TENM1: variants seen among roughly 807,000 people sequenced by gnomAD.
TENM1 encodes teneurin transmembrane protein 1.
TENM1 carries 35 observed loss-of-function variants against 174.8 expected under a neutral mutation model. The observed-to-expected ratio is 0.20, with a 90% CI of 0.15 to 0.27. The LOEUF (loss-of-function observed/expected upper bound fraction) is 0.27, where lower values mean the gene tolerates loss of function less well. Ranked by LOEUF, TENM1 falls within the 10% of genes least tolerant of loss-of-function variation. The pLI is 1.00. For missense variants in TENM1, 1,633 were observed against 2,130.1 expected, an observed-to-expected ratio of 0.77 and a Z score of 4.59; for synonymous variants, 781 against 798.7, an observed-to-expected ratio of 0.98 and a Z score of 0.37.
At chrX:124,388,097 T>C (rs2060242793) in intron 28 of TENM1, among the ~76,000 whole-genome samples, 1 of 112,019 alleles carries the variant, frequency 8.9e-6, no homozygotes, top group African/African-American at 3.2e-5. Flanking sequence ...AAAGTCACAT[T>C]TCTCAGTTCC....
At chrX:124,544,151 T>C (rs1314087880) in intron 15 of TENM1, among the ~76,000 whole-genome samples, 1 of 112,846 alleles carries the variant, frequency 8.9e-6, no homozygotes, top group Non-Finnish European at 1.9e-5. Context: ...TTTGTTCACC[T>C]GATTATGGCA....
At chrX:124,642,904 T>C (rs1255704118) in intron 10 of TENM1, among the ~76,000 whole-genome samples, 1 of 112,413 alleles carries the variant, frequency 8.9e-6, no homozygotes, top group South Asian at 3.7e-4. Context: ...TCTCCAGCAA[T>C]GCAAATAGAC....
At chrX:124,517,375 C>T (rs753198112) in intron 18 of TENM1, among the ~76,000 whole-genome samples, 10 of 109,608 alleles carry the variant, frequency 9.1e-5, no homozygotes, top group East Asian at 8.7e-4. Flanking sequence ...ATGTTTATCG[C>T]GGCACTATTC....
At chrX:124,815,844 A>T (rs952794656) in intron 3 of TENM1, among the ~76,000 whole-genome samples, 1 of 111,674 alleles carries the variant, frequency 9.0e-6, no homozygotes, top group African/African-American at 3.2e-5. Flanking sequence ...GAATAGAAAG[A>T]CTTCTATGCA....
chrX:124,536,043 C>A (rs1406225353), intron 15 of TENM1, among the ~76,000 whole-genome samples: 1 of 111,481 alleles, frequency 9.0e-6, no homozygotes, highest in Non-Finnish European at 1.9e-5. Flanking sequence ...TCTTCAAATG[C>A]TTAATTTATG....
At chrX:124,726,276 T>C (rs1296601969) in intron 4 of TENM1, among the ~76,000 whole-genome samples, 2 of 112,485 alleles carry the variant, frequency 1.8e-5, no homozygotes, top group Non-Finnish European at 3.8e-5. Context: ...AAACTGAGAA[T>C]AGTCAGTTGA....
chrX:124,610,946 G>A (rs1221422414), intron 11 of TENM1, among the ~76,000 whole-genome samples: 1 of 111,308 alleles, frequency 9.0e-6, no homozygotes, highest in Non-Finnish European at 1.9e-5. Flanking sequence ...GGGTTACTCA[G>A]TAGCAGTGCT....
At chrX:125,193,015 G>A in the TENM1 span, among the ~76,000 whole-genome samples, 1 of 108,952 alleles carries the variant, frequency 9.2e-6, no homozygotes, top group Non-Finnish European at 1.9e-5. Flanking sequence ...TTCCTCTCTT[G>A]TGAATTATTT....
At chrX:124,960,620 C>G (rs1254832301) in intron 1 of TENM1, among the ~76,000 whole-genome samples, 1 of 111,800 alleles carries the variant, frequency 8.9e-6, no homozygotes, top group African/African-American at 3.3e-5. Flanking sequence ...ACTGCACAGA[C>G]AAAATCTGAG....
intron 11 of TENM1, among the ~76,000 whole-genome samples, chrX:124,574,845 T>C (rs192246364): frequency 1.4e-4 from 16 of 111,993 alleles, no homozygotes; most frequent in Non-Finnish European, 2.8e-4. Flanking sequence ...CAAGCAATGA[T>C]TCAACTAATA....
At chrX:124,636,080 C>G (rs186400730) in intron 11 of TENM1, among the ~76,000 whole-genome samples, 40 of 112,001 alleles carry the variant, frequency 3.6e-4, no homozygotes, top group African/African-American at 1.2e-3. Context: ...CCCCTGGTAT[C>G]AGAGCAGCAC....
rs761441453 is a variant in TENM1, at chrX:124,722,839, C to CAAAAAAA, written c.776+14111_776+14117dup. Among the ~76,000 whole-genome samples the CAAAAAAA allele has an allele frequency of 3.9e-3, 96 of 24,749 alleles. 1 individual carries two copies. The highest frequency in any genetic ancestry group is 0.012 in the African/African-American group (91 of 7,355). The allele number at this position is 24,749 out of a possible 115,157, so 21.5% of individuals were successfully genotyped here. On this transcript the variant is annotated intron_variant, in intron 4 of 31. Coordinates refer to ENST00000422452, the Ensembl canonical transcript of TENM1. The stretch of plus-strand genomic sequence containing the variant: ...TGGGCGACAGAGAGAGACTCCGTCT[C>CAAAAAAA]AAAAAAAAAAAAAAAAAAAAAAAAA...
At chrX:124,944,144 C>A (rs780449231) in intron 1 of TENM1, among the ~76,000 whole-genome samples, 4 of 111,393 alleles carry the variant, frequency 3.6e-5, no homozygotes, top group Non-Finnish European at 7.6e-5. Flanking sequence ...ATGATAAGTT[C>A]AAGAGTCTTT....
chrX:125,153,430 C>G, the TENM1 span, among the ~76,000 whole-genome samples: 1 of 112,174 alleles, frequency 8.9e-6, no homozygotes, highest in Non-Finnish European at 1.9e-5. Context: ...AAACAGAATT[C>G]AAAGTTATTT....
At chrX:125,141,657 G>A in the TENM1 span, among the ~76,000 whole-genome samples, 1 of 111,092 alleles carries the variant, frequency 9.0e-6, no homozygotes, top group Admixed American at 9.6e-5. Context: ...GAGGAATGAG[G>A]AAGGAAGAAT....
At chrX:124,882,400 T>C (rs1051723443) in intron 3 of TENM1, among the ~76,000 whole-genome samples, 10 of 111,705 alleles carry the variant, frequency 9.0e-5, no homozygotes, top group Non-Finnish European at 1.3e-4. Flanking sequence ...TTAAGTCCCA[T>C]GTTTCTTTGT....
chrX:125,105,778 G>T, the TENM1 span, among the ~76,000 whole-genome samples: 2 of 111,476 alleles, frequency 1.8e-5, no homozygotes, highest in Admixed American at 9.5e-5. Context: ...ATTTGCTACA[G>T]GAAGAAGCAG....
chrX:124,919,118 C>T (rs1353422437), intron 1 of TENM1, among the ~76,000 whole-genome samples: 4 of 112,111 alleles, frequency 3.6e-5, no homozygotes, highest in Admixed American at 1.9e-4. Context: ...TAACCTGGCC[C>T]TCTCCATAGT....
chrX:124,548,789 G>A (rs2048490602), intron 14 of TENM1, among the ~76,000 whole-genome samples: 1 of 110,880 alleles, frequency 9.0e-6, no homozygotes, highest in Non-Finnish European at 1.9e-5. Flanking sequence ...AGTTAGAGGC[G>A]GGTGTACCAC....
Sources: allele counts gnomAD v4.1 joint callset (sites outside exome capture counted in the v4.1 genomes callset), GRCh38; gene constraint gnomAD v4.1.1; transcripts MANE v1.5; gene names NCBI Gene and HGNC (gene_info 2026-07-23, HGNC 2026-07-21).